The following CALCRL variants were observed in gnomAD, a reference collection of about 807,000 sequenced individuals.
CALCRL encodes the protein calcitonin gene-related peptide type 1 receptor.
CALCRL carries 27 observed loss-of-function variants against 60.4 expected under a neutral mutation model. The observed-to-expected ratio is 0.45, with a 90% CI of 0.33 to 0.62. The LOEUF is 0.62. CALCRL is among the 20% of genes least tolerant of loss of function. The pLI is 0.03. For synonymous variants in CALCRL, 190 were observed against 182.6 expected (o/e 1.04, Z -0.33); for missense variants, 424 against 540.7 (o/e 0.78, Z 2.14).
intron 12 of CALCRL, among the ~76,000 whole-genome samples, chr2:187,353,417 A>G (rs1270543491): frequency 6.6e-6 from 1 of 152,028 alleles, no homozygotes; most frequent in Admixed American, 6.6e-5. Flanking sequence ...ATTGCAAAAA[A>G]TAGTAGTTTC....
chr2:187,401,234 C>G (rs948859035), intron 1 of CALCRL, among the ~76,000 whole-genome samples: 2 of 151,554 alleles, frequency 1.3e-5, no homozygotes, highest in African/African-American at 4.8e-5. Flanking sequence ...AGACTTAATG[C>G]TGATCATTTA....
chr2:187,366,920 C>CACACACACACA lies in CALCRL; in HGVS notation c.501-3419_501-3418insTGTGTGTGTGT, dbSNP rs1491502658. Among the ~76,000 whole-genome samples the CACACACACACA allele has an allele frequency of 7.5e-3, 731 of 97,582 alleles. 20 individuals carry two copies. Among genetic ancestry groups the CACACACACACA allele is most frequent in the Middle Eastern group, 0.02 (4 of 198 alleles). 64.0% of individuals were successfully genotyped at this position (97,582 alleles called of 152,430 possible). On this transcript the variant is annotated intron_variant, in intron 8 of 14. Transcript: ENST00000392370. ...AAATGTCATTATTGTGAGTATAACC[C>CACACACACACA]CACACACACACACACACACACACAC... is the stretch of plus-strand genomic sequence containing the variant.
At chr2:187,406,386 A>T (rs1689128884) in intron 1 of CALCRL, among the ~76,000 whole-genome samples, 1 of 152,040 alleles carries the variant, frequency 6.6e-6, no homozygotes, top group Admixed American at 6.6e-5. Context: ...TACTAGTGTA[A>T]ATGTACAGAA....
In CALCRL at chr2:187,346,226, A is replaced by G. The variant is rs1686262647; in HGVS notation, c.1344T>C (p.Asp448=). 4 of 1,611,332 alleles carry G rather than the reference A, an allele frequency of 2.5e-6. No individual in the cohort carries two copies. Among genetic ancestry groups the G allele is most frequent in the Middle Eastern group, 1.7e-4 (1 of 6,050 alleles). Residue 448 remains aspartate, a synonymous_variant, in exon 15 of 15, where the codon GAT becomes GAC. Coordinates refer to ENST00000392370, the MANE Select transcript of CALCRL (RefSeq NM_005795.6). Reference sequence around the variant, plus strand: ...CTGGTTTTAAGAGAACATTTTCAATATCATGGATGCTTTTTCCATTTAAGT... The same window carrying G: ...CTGGTTTTAAGAGAACATTTTCAATGTCATGGATGCTTTTTCCATTTAAGT... ...SEHLNGKSIH[D]IENVLLKPEN... is the part of the protein sequence containing the mutation.
rs76205366 is a variant in CALCRL, at chr2:187,406,198, A to C, written c.-292-18442T>G. Among the ~76,000 whole-genome samples, 16 of 151,598 alleles carry C rather than the reference A, an allele frequency of 1.1e-4. No individual in the cohort carries two copies. The South Asian group carries it at 2.1e-3, about 20-fold the overall frequency. On this transcript the variant is annotated intron_variant, in intron 1 of 14. Coordinates refer to ENST00000392370, the MANE Select transcript of CALCRL (RefSeq NM_005795.6). ...AAACCAAACACAACCAAAAAAAAAA[A>C]CACAAATCTGATATGTTGTATGTGA...
intron 1 of CALCRL, among the ~76,000 whole-genome samples, chr2:187,443,759 C>G (rs1390081271): frequency 6.6e-6 from 1 of 151,596 alleles, no homozygotes; most frequent in Non-Finnish European, 1.5e-5. Context: ...ATGGTTTTAA[C>G]TCTCTTTGTC....
At chr2:187,404,240 CT>C (rs1355328498) in intron 1 of CALCRL, among the ~76,000 whole-genome samples, 1 of 151,782 alleles carries the variant, frequency 6.6e-6, no homozygotes, top group African/African-American at 2.4e-5. Context: ...GTGACTGTCC[CT>C]CCCTCACCGA....
Position 187,380,773 on chromosome 2 carries a change from T to C in CALCRL, c.199A>G (p.Arg67Gly). The part of the protein sequence containing the change: ...IQQAEGVYCN[R>G]TWDGWLCWND... The stretch of plus-strand genomic sequence containing the variant: ...CAGCAGAGCCATCCATCCCAGGTTC[T>C]GTTGCAGTAAACGCCTTAGTGGGGA... Residue 67 changes from arginine (R) to glycine (G), a missense_variant, in exon 6 of 15, where the codon AGA (arginine) becomes GGA (glycine). Physicochemically the swap from Arg to Gly is moderately radical, Grantham distance 125. Coordinates refer to ENST00000392370, the MANE Select transcript of CALCRL (RefSeq NM_005795.6). The C allele has an allele frequency of 1.2e-6, 2 of 1,613,880 alleles. No individual in the cohort carries two copies. The highest frequency in any genetic ancestry group is 1.7e-6 in the Non-Finnish European group (2 of 1,179,802).
In CALCRL at chr2:187,345,302, TAAG is replaced by T. The variant is rs1475088406; in HGVS notation, c.*879_*881del. On this transcript the variant is annotated 3_prime_UTR_variant, in exon 15 of 15. Coordinates refer to ENST00000392370, the MANE Select transcript of CALCRL (RefSeq NM_005795.6). ...TTCTTTTTACAAAATTCCAAGAAAATAAGAAATCCTTCATTGATTTTCTTTATA... is the reference window on the plus strand; with the variant it reads ...TTCTTTTTACAAAATTCCAAGAAAATAAATCCTTCATTGATTTTCTTTATA... 6.6e-6 allele frequency: 1 copy of T among 152,248 alleles called. No homozygotes were observed. The highest frequency in any genetic ancestry group is 1.5e-5 in the Non-Finnish European group (1 of 67,824). The allele number at this position is 152,248 out of a possible 1,614,324, so 9.4% of individuals were successfully genotyped here. A position where few individuals can be genotyped will look rare whatever the true frequency, so the allele number is the denominator to read the frequency against.
Position 187,385,555 on chromosome 2 carries a change from G to T in CALCRL, c.41C>A (p.Pro14His). The change falls in exon 4 of 15, where the codon CCT becomes CAT. Residue 14 changes from proline (P) to histidine (H), a missense_variant. Pro to His is a moderately conservative substitution (Grantham distance 77). Coordinates refer to ENST00000392370, the MANE Select transcript of CALCRL (RefSeq NM_005795.6). Reference protein sequence around the residue: ...KCTLYFLVLLPFFMILVTAEL... With the variant: ...KCTLYFLVLLHFFMILVTAEL... The stretch of plus-strand genomic sequence containing the variant: ...TATTTTTATGCTTACCATAAAAAAA[G>T]GCAAGAGAACCAGAAAATACAGGGT... The T allele has an allele frequency of 6.7e-7, 1 of 1,498,954 alleles. No individual in the cohort carries two copies. The highest frequency in any genetic ancestry group is 9.2e-7 in the Non-Finnish European group (1 of 1,084,768). The allele number at this position is 1,498,954 out of a possible 1,614,324, so 92.9% of individuals were successfully genotyped here.
intron 1 of CALCRL, among the ~76,000 whole-genome samples, chr2:187,399,105 C>T (rs942926920): frequency 1.3e-5 from 2 of 151,526 alleles, no homozygotes; most frequent in South Asian, 2.1e-4. Flanking sequence ...GCTGGGTCTT[C>T]GTTTCCTGAC....
At chr2:187,347,219 A>G (rs1686317556) in intron 14 of CALCRL, among the ~76,000 whole-genome samples, 1 of 151,810 alleles carries the variant, frequency 6.6e-6, no homozygotes, top group Non-Finnish European at 1.5e-5. Context: ...AATGGGCACA[A>G]ATGAGAACAT....
intron 8 of CALCRL, 24 bp from the exon 9 acceptor site, chr2:187,363,526 T>C (rs1356598111): frequency 6.4e-7 from 1 of 1,562,462 alleles, no homozygotes; most frequent in Admixed American, 2.0e-5. Context: ...AAAACAAGTG[T>C]GTTGACATCA....
At chr2:187,389,289 T>C (rs1348393514) in intron 1 of CALCRL, among the ~76,000 whole-genome samples, 1 of 152,056 alleles carries the variant, frequency 6.6e-6, no homozygotes, top group Non-Finnish European at 1.5e-5. Flanking sequence ...GCCAGGCTGG[T>C]CGCAAACTCC....
chr2:187,371,215 C>G (rs1378696165), intron 8 of CALCRL, among the ~76,000 whole-genome samples: 2 of 151,398 alleles, frequency 1.3e-5, no homozygotes, highest in Non-Finnish European at 2.9e-5. Context: ...GCACTCCAGC[C>G]TGGGTGACAG....
At chr2:187,393,722 C>T (rs1302534944) in intron 1 of CALCRL, among the ~76,000 whole-genome samples, 3 of 151,938 alleles carry the variant, frequency 2.0e-5, no homozygotes, top group Non-Finnish European at 2.9e-5. Context: ...TTAGTTATTC[C>T]TAACCCTTTC....
At chr2:187,362,897 T>A (rs1045016057) in intron 9 of CALCRL, among the ~76,000 whole-genome samples, 28 of 152,136 alleles carry the variant, frequency 1.8e-4, no homozygotes, top group African/African-American at 6.0e-4. Context: ...AAAGTCAGCC[T>A]GATACAAAAA....
intron 3 of CALCRL, among the ~76,000 whole-genome samples, chr2:187,386,130 T>TATAG (rs891902396): frequency 3.9e-5 from 2 of 51,788 alleles, no homozygotes; most frequent in African/African-American, 1.5e-4. Flanking sequence ...AAAAACTTCT[T>TATAG]ATAGATAGAT....
At chr2:187,427,815 G>A (rs773269635) in intron 1 of CALCRL, among the ~76,000 whole-genome samples, 1 of 152,122 alleles carries the variant, frequency 6.6e-6, no homozygotes, top group Non-Finnish European at 1.5e-5. Context: ...ATGGGGTAAA[G>A]ACACAATGAA....
Sources: gnomAD v4.1 joint callset for allele counts (sites outside exome capture counted in the v4.1 genomes callset) on GRCh38, gnomAD v4.1.1 for gene constraint, MANE v1.5 for transcripts, NCBI Gene and HGNC (gene_info 2026-07-23, HGNC 2026-07-21) for gene names.